Variants in ABCA1 observed in about 807,000 individuals in gnomAD.
The protein encoded by ABCA1 is phospholipid-transporting ATPase ABCA1.
ABCA1 carries 133 observed loss-of-function variants against 262.5 expected under a neutral mutation model. The observed-to-expected ratio is 0.51, with a 90% CI of 0.44 to 0.59. ABCA1 has a LOEUF of 0.59. Among genes scored for constraint, ABCA1 ranks in the 20% least tolerant of loss-of-function variants. ABCA1 has a pLI of 0.00. For missense variants in ABCA1, 2,452 were observed against 2,777.5 expected (o/e 0.88, Z 2.63); for synonymous variants, 1,022 against 1,043.5 (o/e 0.98, Z 0.40).
chr9:104,786,271 C>A (rs746622249), intron 48 of ABCA1, 27 bp downstream of exon 48: 18 of 1,565,620 alleles, frequency 1.1e-5, no homozygotes, highest in Admixed American at 1.7e-5. Context: ...TCACTAGGCA[C>A]TATCCCAAAG....
chr9:104,792,590 T>A (rs1297990799), intron 42 of ABCA1, among the ~76,000 whole-genome samples, 196 bp downstream of exon 42: 1 of 152,232 alleles, frequency 6.6e-6, no homozygotes, highest in African/African-American at 2.4e-5. Context: ...GGAATTCATA[T>A]CACAAAAGAA....
intron 5 of ABCA1, among the ~76,000 whole-genome samples, chr9:104,879,073 TAA>T (rs760244801): frequency 1.4e-5 from 2 of 143,310 alleles, no homozygotes. Context: ...GGCTCTGTCT[TAA>T]AAAAAAAAAA....
intron 7 of ABCA1, among the ~76,000 whole-genome samples, chr9:104,853,702 T>C (rs1471376175): frequency 1.3e-5 from 2 of 152,200 alleles, no homozygotes; most frequent in African/African-American, 4.8e-5. Context: ...TCTGTTTGGT[T>C]TGTACATTAA....
chr9:104,874,832 G>T (rs999590535), intron 5 of ABCA1, among the ~76,000 whole-genome samples: 4 of 135,362 alleles, frequency 3.0e-5, no homozygotes, highest in African/African-American at 1.4e-4. Flanking sequence ...GTGGGGGCCA[G>T]CCCCCGCCCG....
intron 36 of ABCA1, among the ~76,000 whole-genome samples, chr9:104,798,956 T>A (rs1830114756): frequency 6.6e-6 from 1 of 152,232 alleles, no homozygotes; most frequent in South Asian, 2.1e-4. Context: ...AAAGGACTAG[T>A]GGGGCTTGAA....
chr9:104,902,654 A>G (rs1840759652), intron 2 of ABCA1, among the ~76,000 whole-genome samples: 1 of 152,184 alleles, frequency 6.6e-6, no homozygotes. Context: ...CACTATAATA[A>G]AAAAGGAAAT....
intron 11 of ABCA1, among the ~76,000 whole-genome samples, chr9:104,834,436 A>C (rs1233310349): frequency 6.7e-6 from 1 of 149,636 alleles, no homozygotes; most frequent in Non-Finnish European, 1.5e-5. Context: ...CAGACACAAA[A>C]TTGTACCTCA....
At position 104,831,133 on chromosome 9, in the gene ABCA1, CT is replaced by C. The variant is rs1418749260; in HGVS notation, c.1716-33del. 4 of 1,463,472 alleles carry C rather than the reference CT, an allele frequency of 2.7e-6. No homozygotes were observed. The East Asian group carries it at 1.0e-4, about 38-fold the overall frequency. 90.7% of individuals were successfully genotyped at this position (1,463,472 alleles called of 1,614,324 possible). On this transcript the variant is annotated intron_variant, in intron 13 of 49. Coordinates refer to ENST00000374736, the MANE Select transcript of ABCA1 (RefSeq NM_005502.4). ...CCAAACCACAGGTAATCAACCATTCCTTTAGAACCATACAATAAAAAAAAAA... is the reference window on the plus strand; with the variant it reads ...CCAAACCACAGGTAATCAACCATTCCTTAGAACCATACAATAAAAAAAAAA...
chr9:104,807,843 T>TACACACACACAC (rs1180467652), intron 30 of ABCA1, among the ~76,000 whole-genome samples: 5 of 36,624 alleles, frequency 1.4e-4, no homozygotes, highest in African/African-American at 3.8e-4. Flanking sequence ...AATATATATA[T>TACACACACACAC]ATACACACAC....
chr9:104,854,065 G>A (rs1201831102), intron 7 of ABCA1, among the ~76,000 whole-genome samples: 3 of 152,208 alleles, frequency 2.0e-5, no homozygotes, highest in African/African-American at 7.2e-5. Context: ...TCTGACTGGA[G>A]ACAGATGTGA....
At chr9:104,789,634 T>C (rs994877755) in intron 44 of ABCA1, among the ~76,000 whole-genome samples, 13 of 152,170 alleles carry the variant, frequency 8.5e-5, no homozygotes, top group African/African-American at 3.1e-4. Flanking sequence ...AATAGCAGAG[T>C]GCACTACAAT....
At chr9:104,913,223 T>A (rs144887728) in intron 1 of ABCA1, among the ~76,000 whole-genome samples, 1 of 152,186 alleles carries the variant, frequency 6.6e-6, no homozygotes, top group Non-Finnish European at 1.5e-5. Flanking sequence ...TATTCTACCA[T>A]GCAGAAAACT....
chr9:104,791,387 C>A lies in ABCA1; in HGVS notation c.5821-359G>T, dbSNP rs115337435. ...TATTTTTAAAAAACTATTTGAATGT[C>A]ATCACCATCCCAAATGGATCACAAA... On this transcript the variant is annotated intron_variant, in intron 43 of 49. Transcript: ENST00000374736. Among the ~76,000 whole-genome samples, 978 of 152,252 alleles carry A rather than the reference C, an allele frequency of 6.4e-3. 17 individuals carry two copies. The highest frequency in any genetic ancestry group is 0.022 in the African/African-American group (927 of 41,548).
intron 12 of ABCA1, 74 bp from the exon 13 acceptor site, chr9:104,831,901 T>C (rs1173334247): frequency 4.4e-6 from 6 of 1,376,038 alleles, no homozygotes; most frequent in Non-Finnish European, 6.2e-6. Context: ...AATCCTACAC[T>C]AGGAGGCAAG....
chr9:104,806,982 T>C (rs1830823542), intron 30 of ABCA1, among the ~76,000 whole-genome samples: 1 of 152,154 alleles, frequency 6.6e-6, no homozygotes, highest in African/African-American at 2.4e-5. Context: ...GGCAAAAGCT[T>C]GGCAAAAAGA....
chr9:104,827,076 T>G lies in ABCA1; in HGVS notation c.2209A>C (p.Ser737Arg). The G allele has an allele frequency of 1.2e-6, 2 of 1,614,148 alleles. No homozygotes were observed. The highest frequency in any genetic ancestry group is 1.7e-6 in the Non-Finnish European group (2 of 1,180,010). ...AGGTTGGCTCTGGAGAAGAGTGTGC[T>G]AATCAGGAAGCACTGCAGGATTGTC... ...VVTILQCFLISTLFSRANLAA... is the reference protein window; with the variant it reads ...VVTILQCFLIRTLFSRANLAA... Residue 737 changes from serine to arginine, a missense_variant, in exon 16 of 50, where the codon AGC becomes CGC. Coordinates refer to ENST00000374736, the MANE Select transcript of ABCA1 (RefSeq NM_005502.4).
Position 104,806,382 on chromosome 9 carries a change from A to G in ABCA1, c.4323T>C (p.Val1441=). Residue 1441 remains valine (V), a synonymous_variant, in exon 31 of 50, where the codon GTT becomes GTC. Coordinates refer to ENST00000374736, the MANE Select transcript of ABCA1 (RefSeq NM_005502.4). ...GGAAGAGGTCCATGATGGTCTGGGG[A>G]ACTGGGGCAGTGGTCCACTCTTCCT... The part of the protein sequence containing the change: ...AGEEEWTTAP[V]PQTIMDLFQN... The G allele has an allele frequency of 2.5e-6, 4 of 1,614,122 alleles. No homozygotes were observed. The highest frequency in any genetic ancestry group is 3.4e-6 in the Non-Finnish European group (4 of 1,180,028).
At chr9:104,792,632 T>C (rs1211303218) in intron 42 of ABCA1, among the ~76,000 whole-genome samples, 154 bp downstream of exon 42, 1 of 152,258 alleles carries the variant, frequency 6.6e-6, no homozygotes, top group Non-Finnish European at 1.5e-5. Context: ...GAAGTCTCCA[T>C]GGTGTTTTTA....
intron 8 of ABCA1, 133 bp from the exon 9 acceptor site, chr9:104,840,652 T>C (rs1834286740): frequency 2.1e-6 from 2 of 966,716 alleles, no homozygotes; most frequent in Non-Finnish European, 3.0e-6. Flanking sequence ...GAACATATTT[T>C]GTCTGATGTC....
Sources: gnomAD v4.1 joint callset for allele counts (sites outside exome capture counted in the v4.1 genomes callset) on GRCh38, gnomAD v4.1.1 for gene constraint, MANE v1.5 for transcripts, NCBI Gene and HGNC (gene_info 2026-07-23, HGNC 2026-07-21) for gene names.